The following MERTK variants were observed in gnomAD, a reference collection of about 807,000 sequenced individuals.
The protein encoded by MERTK is tyrosine-protein kinase Mer.
A neutral mutation model predicts 99.3 loss-of-function variants in MERTK; 69 were observed. That is an observed-to-expected ratio of 0.70 (90% CI 0.57 to 0.85). MERTK has a LOEUF of 0.85. MERTK is among the 40% of genes least tolerant of loss of function. The pLI is 0.00. For missense variants in MERTK, 1,125 were observed against 1,249.4 expected (o/e 0.90, Z 1.50); for synonymous variants, 426 against 467.6 (o/e 0.91, Z 1.15).
chr2:111,966,564 A>G (rs1310872992), intron 5 of MERTK, among the ~76,000 whole-genome samples: 1 of 152,214 alleles, frequency 6.6e-6, no homozygotes, highest in Non-Finnish European at 1.5e-5. Context: ...CACTTCTCCA[A>G]TTTTATGCTT....
Position 111,898,784 on chromosome 2 carries a change from C to G in MERTK, c.49C>G (p.Leu17Val). 1.3e-6 allele frequency: 2 copies of G among 1,597,752 alleles called. No homozygotes were observed. Among genetic ancestry groups the G allele is most frequent in the Non-Finnish European group, 1.7e-6 (2 of 1,173,028 alleles). ...PLLLGLFLPA[L>V]WRRAITEARE... ...GCTGCTGGGCCTCTTCCTCCCCGCG[C>G]TCTGGCGTAGAGGTGAGTGCGCCCG... Residue 17 changes from leucine (L) to valine (V), a missense_variant, in exon 1 of 19, where the codon CTC (leucine) becomes GTC (valine). Physicochemically the swap from Leu to Val is conservative, Grantham distance 32. Coordinates refer to ENST00000295408, the MANE Select transcript of MERTK (RefSeq NM_006343.3).
At chr2:111,997,662 A>G (rs1676778456) in intron 10 of MERTK, among the ~76,000 whole-genome samples, 186 bp downstream of exon 10, 2 of 152,194 alleles carry the variant, frequency 1.3e-5, no homozygotes, top group Non-Finnish European at 2.9e-5. Context: ...CTGCCAGCAA[A>G]AGCCAGGCCT....
Sources: allele counts gnomAD v4.1 joint callset (sites outside exome capture counted in the v4.1 genomes callset), GRCh38; gene constraint gnomAD v4.1.1; transcripts MANE v1.5; gene names NCBI Gene and HGNC (gene_info 2026-07-23, HGNC 2026-07-21).